FRAS1: variants seen among roughly 807,000 people sequenced by gnomAD.
The protein encoded by FRAS1 is extracellular matrix organizing protein FRAS1.
A neutral mutation model predicts 435.2 loss-of-function variants in FRAS1; 290 were observed. The observed-to-expected ratio is 0.67, with a 90% CI of 0.61 to 0.73. FRAS1 has a LOEUF of 0.73. Ranked by LOEUF, FRAS1 falls within the 30% of genes least tolerant of loss-of-function variation. FRAS1 has a pLI of 0.00. For synonymous variants in FRAS1, 1,800 were observed against 1,851.0 expected (o/e 0.97, Z 0.71); for missense variants, 4,860 against 5,001.5 (o/e 0.97, Z 0.85).
intron 23 of FRAS1, among the ~76,000 whole-genome samples, chr4:78,372,254 T>G (rs1046248861): frequency 6.6e-6 from 1 of 152,218 alleles, no homozygotes; most frequent in Non-Finnish European, 1.5e-5. Context: ...TAGAAACCCA[T>G]GCAGCTGGTG....
chr4:78,236,974 T>C (rs11725082), intron 2 of FRAS1, among the ~76,000 whole-genome samples: 47,264 of 152,020 alleles, frequency 0.31, 7,762 homozygotes, highest in Non-Finnish European at 0.36. Flanking sequence ...TAGTCACTCA[T>C]ACATATGTTG....
At chr4:78,484,563 T>A (rs1720111999) in intron 58 of FRAS1, among the ~76,000 whole-genome samples, 1 of 152,194 alleles carries the variant, frequency 6.6e-6, no homozygotes, top group Non-Finnish European at 1.5e-5. Flanking sequence ...AAAGATGTTC[T>A]CCTATTTTCC....
At chr4:78,094,983 T>C (rs1741720223) in intron 2 of FRAS1, among the ~76,000 whole-genome samples, 1 of 152,210 alleles carries the variant, frequency 6.6e-6, no homozygotes, top group Admixed American at 6.5e-5. Flanking sequence ...AATTTAATAC[T>C]TCAGTCTCTG....
At position 78,182,092 on chromosome 4, in the gene FRAS1, C is replaced by T. The variant is rs145265159; in HGVS notation, c.109-55418C>T. On this transcript the variant is annotated intron_variant, in intron 2 of 73. Coordinates refer to ENST00000512123, the MANE Select transcript of FRAS1 (RefSeq NM_025074.7). ...TTCCTCTACGGATTGCAGCGGGCCG[C>T]GCCGAGCCAAGAGCGCCTGCTTCAG... The T allele has an allele frequency of 7.3e-4, 1,053 of 1,447,546 alleles. 10 individuals are homozygous for T. The African/African-American group carries it at 0.014, about 19-fold the overall frequency. The allele number at this position is 1,447,546 out of a possible 1,614,324, so 89.7% of individuals were successfully genotyped here.
rs745723508 is a variant in FRAS1, at chr4:78,245,337, C to T, written c.309+12C>T. 6.5e-7 allele frequency: 1 copy of T among 1,549,488 alleles called. No homozygotes were observed. Among genetic ancestry groups the T allele is most frequent in the Non-Finnish European group, 8.8e-7 (1 of 1,130,366 alleles). ...AGAAAATCCATGAGGTAAGTGTTTT[C>T]TGACTCACGGTTGATTCTGTGTCTG... On this transcript the variant is annotated intron_variant, in intron 4 of 73. Transcript: ENST00000512123.
At chr4:78,392,936 G>T (rs1241086971) in intron 29 of FRAS1, among the ~76,000 whole-genome samples, 1 of 151,098 alleles carries the variant, frequency 6.6e-6, no homozygotes, top group Non-Finnish European at 1.5e-5. Context: ...ATCTTCCCTG[G>T]ATCCTCTCCA....
At chr4:78,338,586 G>A (rs1216237300) in intron 20 of FRAS1, among the ~76,000 whole-genome samples, 5 of 152,304 alleles carry the variant, frequency 3.3e-5, no homozygotes, top group African/African-American at 1.2e-4. Flanking sequence ...TTTATTAGCT[G>A]TTGCCTCAGC....
chr4:78,123,261 A>G (rs1719131843), intron 2 of FRAS1, among the ~76,000 whole-genome samples: 1 of 152,180 alleles, frequency 6.6e-6, no homozygotes, highest in African/African-American at 2.4e-5. Context: ...TTTATGTGTC[A>G]GGTTTGTCAA....
chr4:78,435,952 A>AT (rs557540175), intron 38 of FRAS1, among the ~76,000 whole-genome samples: 7 of 152,132 alleles, frequency 4.6e-5, no homozygotes, highest in Non-Finnish European at 8.8e-5. Context: ...ATAAGTTAAT[A>AT]TTTTTTATGA....
chr4:78,124,237 G>T lies in FRAS1; in HGVS notation c.108+58221G>T, dbSNP rs550888010. Among the ~76,000 whole-genome samples, 170 of 152,256 alleles carry T rather than the reference G, an allele frequency of 1.1e-3. 1 individual carries two copies. Among genetic ancestry groups the T allele is most frequent in the African/African-American group, 3.9e-3 (163 of 41,548 alleles). On this transcript the variant is annotated intron_variant, in intron 2 of 73. Transcript: ENST00000512123. Reference sequence around the variant, plus strand: ...CTGCATCTATTGAGATAATCATGTGGCTTTTGTCATTGGTTCTGTTTATAT... The same window carrying T: ...CTGCATCTATTGAGATAATCATGTGTCTTTTGTCATTGGTTCTGTTTATAT...
intron 25 of FRAS1, 137 bp downstream of exon 25, chr4:78,374,388 A>T (rs1230359461): frequency 1.4e-6 from 1 of 732,996 alleles, no homozygotes; most frequent in African/African-American, 1.7e-5. Context: ...TAAGTAATTG[A>T]TGGCTTCCCA....
intron 2 of FRAS1, among the ~76,000 whole-genome samples, chr4:78,137,859 T>C (rs566161367): frequency 6.6e-6 from 1 of 152,356 alleles, no homozygotes; most frequent in South Asian, 2.1e-4. Context: ...AATGGGGATG[T>C]TAACATGGAG....
At chr4:78,245,091 C>T (rs1338301764) in intron 3 of FRAS1, 142 bp from the exon 4 acceptor site, 14 of 653,020 alleles carry the variant, frequency 2.1e-5, no homozygotes, top group Admixed American at 7.5e-5. Flanking sequence ...TTTTTTCAGT[C>T]TATTCATTTT....
intron 25 of FRAS1, 99 bp downstream of exon 25, chr4:78,374,350 G>A: frequency 8.0e-7 from 1 of 1,253,622 alleles, no homozygotes; most frequent in Non-Finnish European, 1.1e-6. Flanking sequence ...AAATTAGAAA[G>A]CAGAATGAAA....
At chr4:78,334,329 A>T (rs79344066) in intron 19 of FRAS1, among the ~76,000 whole-genome samples, 3,631 of 96,284 alleles carry the variant, frequency 0.038, 159 homozygotes, top group African/African-American at 0.13. Context: ...ACTTTTTAAT[A>T]TTTTTTTCAA....
intron 25 of FRAS1, among the ~76,000 whole-genome samples, chr4:78,374,467 A>G (rs921288453): frequency 2.6e-5 from 4 of 152,222 alleles, no homozygotes; most frequent in African/African-American, 9.6e-5. Flanking sequence ...ACACAAATCA[A>G]TATTGTCCCC....
intron 69 of FRAS1, among the ~76,000 whole-genome samples, chr4:78,525,025 GAAC>G (rs768690960): frequency 4.6e-4 from 70 of 152,268 alleles, no homozygotes; most frequent in Admixed American, 8.5e-4. Context: ...CATGCTTGGA[GAAC>G]AACAAGGAGG....
At chr4:78,217,574 C>T (rs573633832) in intron 2 of FRAS1, among the ~76,000 whole-genome samples, 3 of 152,216 alleles carry the variant, frequency 2.0e-5, no homozygotes, top group South Asian at 4.1e-4. Flanking sequence ...CTTTCCTCAT[C>T]TCCCATGTTT....
chr4:78,425,099 G>A (rs1195360788), intron 35 of FRAS1, among the ~76,000 whole-genome samples: 1 of 93,612 alleles, frequency 1.1e-5, no homozygotes, highest in Non-Finnish European at 2.2e-5. Context: ...TCTTAAATGG[G>A]GATAATAATA....
Sources: gnomAD v4.1 joint callset for allele counts (sites outside exome capture counted in the v4.1 genomes callset) on GRCh38, gnomAD v4.1.1 for gene constraint, MANE v1.5 for transcripts, NCBI Gene and HGNC (gene_info 2026-07-23, HGNC 2026-07-21) for gene names.